SORCS2: variants seen among roughly 807,000 people sequenced by gnomAD.
SORCS2 encodes sortilin related VPS10 domain containing receptor 2.
Under a neutral mutation model 141.6 loss-of-function variants are expected in SORCS2, and 100 were observed. That is an observed-to-expected ratio of 0.71 (90% confidence interval 0.60 to 0.83). The LOEUF (loss-of-function observed/expected upper bound fraction) is 0.83, where lower values mean the gene tolerates loss of function less well. Ranked by LOEUF, SORCS2 falls within the 40% of genes least tolerant of loss-of-function variation. SORCS2 has a pLI of 0.00. For synonymous variants in SORCS2, 789 were observed against 676.9 expected (o/e 1.17, Z -2.57); for missense variants, 1,646 against 1,560.2 (o/e 1.05, Z -0.93).
At chr4:7,374,163 C>CT (rs1219625271) in intron 1 of SORCS2, among the ~76,000 whole-genome samples, 1 of 145,774 alleles carries the variant, frequency 6.9e-6, no homozygotes, top group Non-Finnish European at 1.5e-5. Flanking sequence ...TTCTTTCTTT[C>CT]TTTCTTTCTT....
chr4:7,408,105 G>C (rs145046445), intron 2 of SORCS2, among the ~76,000 whole-genome samples: 2 of 152,230 alleles, frequency 1.3e-5, no homozygotes, highest in East Asian at 3.9e-4. Flanking sequence ...TGAGTGGATT[G>C]TGTATCACAA....
At chr4:7,440,556 G>T (rs1210571315) in intron 2 of SORCS2, among the ~76,000 whole-genome samples, 1 of 152,246 alleles carries the variant, frequency 6.6e-6, no homozygotes, top group Non-Finnish European at 1.5e-5. Context: ...GAGGGGCAGG[G>T]TAACAGAGTT....
intron 1 of SORCS2, among the ~76,000 whole-genome samples, chr4:7,366,626 C>G (rs1360969958): frequency 6.6e-6 from 1 of 152,080 alleles, no homozygotes; most frequent in African/African-American, 2.4e-5. Context: ...CTCCTCCAGC[C>G]TCCCATGCAG....
At chr4:7,385,981 G>C (rs565380496) in intron 1 of SORCS2, among the ~76,000 whole-genome samples, 1 of 152,198 alleles carries the variant, frequency 6.6e-6, no homozygotes, top group African/African-American at 2.4e-5. Flanking sequence ...ATGTTTTGGA[G>C]GCCAGAAAGG....
At chr4:7,671,697 AG>A (rs1254450277) in intron 8 of SORCS2, among the ~76,000 whole-genome samples, 2 of 152,208 alleles carry the variant, frequency 1.3e-5, no homozygotes, top group Non-Finnish European at 2.9e-5. Flanking sequence ...AAGTGAACGC[AG>A]TCTATGGGAG....
intron 3 of SORCS2, among the ~76,000 whole-genome samples, chr4:7,634,839 C>A (rs1229813634): frequency 6.6e-6 from 1 of 152,224 alleles, no homozygotes; most frequent in Admixed American, 6.5e-5. Flanking sequence ...GTACCTCACT[C>A]ACCCCTGCAG....
intron 2 of SORCS2, chr4:7,431,645 C>A (rs1463960764): frequency 6.6e-6 from 1 of 152,168 alleles, no homozygotes; most frequent in African/African-American, 2.4e-5. Flanking sequence ...GCAGAGCTGC[C>A]TTCCCATGGC....
chr4:7,512,603 C>G (rs1171348734), intron 2 of SORCS2, among the ~76,000 whole-genome samples: 3 of 152,040 alleles, frequency 2.0e-5, no homozygotes, highest in Admixed American at 1.3e-4. Flanking sequence ...CCATCCTTAA[C>G]CTCTACTTCC....
intron 3 of SORCS2, among the ~76,000 whole-genome samples, chr4:7,603,053 G>A (rs1330758153): frequency 4.6e-5 from 7 of 152,248 alleles, no homozygotes; most frequent in Admixed American, 1.3e-4. Flanking sequence ...CAGGCACTCC[G>A]CAGGCTGAGG....
intron 1 of SORCS2, among the ~76,000 whole-genome samples, chr4:7,335,599 C>T (rs1371367651): frequency 2.0e-5 from 3 of 152,210 alleles, no homozygotes; most frequent in East Asian, 1.9e-4. Context: ...TTGCTGGAGG[C>T]GGGCTGGGGT....
intron 1 of SORCS2, among the ~76,000 whole-genome samples, chr4:7,266,000 T>A (rs976582037): frequency 2.0e-5 from 3 of 152,194 alleles, no homozygotes; most frequent in African/African-American, 7.2e-5. Context: ...TCTTCCTCCG[T>A]GTCATCCTAC....
intron 1 of SORCS2, among the ~76,000 whole-genome samples, chr4:7,245,769 A>G (rs1428908960): frequency 1.3e-5 from 2 of 152,154 alleles, no homozygotes; most frequent in East Asian, 3.9e-4. Context: ...GGGTGGAGAG[A>G]TGAGTCCCAG....
chr4:7,438,798 C>T (rs1046439551), intron 2 of SORCS2, among the ~76,000 whole-genome samples: 8 of 152,144 alleles, frequency 5.3e-5, no homozygotes, highest in Non-Finnish European at 1.0e-4. Context: ...CTACCCCTCC[C>T]TCCTTTCCTC....
chr4:7,583,632 T>G (rs192519336), intron 3 of SORCS2, among the ~76,000 whole-genome samples: 1 of 152,180 alleles, frequency 6.6e-6, no homozygotes, highest in South Asian at 2.1e-4. Flanking sequence ...GTTTTATGAG[T>G]GGAAACCCCT....
At chr4:7,595,896 G>A (rs532414300) in intron 3 of SORCS2, among the ~76,000 whole-genome samples, 26 of 152,328 alleles carry the variant, frequency 1.7e-4, no homozygotes, top group East Asian at 5.8e-4. Context: ...TCTGACCTCA[G>A]TGGGGCTCTT....
At chr4:7,410,968 T>G (rs1231921656) in intron 2 of SORCS2, among the ~76,000 whole-genome samples, 2 of 139,808 alleles carry the variant, frequency 1.4e-5, no homozygotes, top group East Asian at 4.1e-4. Flanking sequence ...TTTTTTTTTT[T>G]TTTTTTGAGA....
chr4:7,543,498 TCCATCCATC>T (rs1716709772), intron 3 of SORCS2, among the ~76,000 whole-genome samples: 2 of 137,828 alleles, frequency 1.5e-5, no homozygotes, highest in South Asian at 4.9e-4. Flanking sequence ...CATCCATCCA[TCCATCCATC>T]CATCCATCCA....
chr4:7,530,225 C>T (rs1420130610), intron 2 of SORCS2, among the ~76,000 whole-genome samples: 2 of 152,236 alleles, frequency 1.3e-5, no homozygotes, highest in South Asian at 4.1e-4. Flanking sequence ...CCAGGCCTGT[C>T]CCCTCGGCCC....
At chr4:7,212,909 C>G (rs1442020844) in intron 1 of SORCS2, among the ~76,000 whole-genome samples, 1 of 152,190 alleles carries the variant, frequency 6.6e-6, no homozygotes, top group African/African-American at 2.4e-5. Flanking sequence ...TGAACCTCTT[C>G]TGGTCTCGTC....
Sources: gnomAD v4.1 joint callset for allele counts (sites outside exome capture counted in the v4.1 genomes callset) on GRCh38, gnomAD v4.1.1 for gene constraint, MANE v1.5 for transcripts, NCBI Gene and HGNC (gene_info 2026-07-23, HGNC 2026-07-21) for gene names.